C5: variants seen among roughly 807,000 people sequenced by gnomAD.
C5 encodes C3 and PZP-like alpha-2-macroglobulin domain-containing protein 4.
Under a neutral mutation model 218.8 loss-of-function variants are expected in C5, and 140 were observed. The ratio of observed to expected loss-of-function variants is 0.64; its 90% CI spans 0.56 to 0.74. The LOEUF (loss-of-function observed/expected upper bound fraction) is 0.74, where lower values mean the gene tolerates loss of function less well. C5 is among the 30% of genes least tolerant of loss of function. C5 has a pLI of 0.00. For synonymous variants in C5, 614 were observed against 682.3 expected (o/e 0.90, Z 1.56); for missense variants, 1,700 against 1,969.6 (o/e 0.86, Z 2.59).
At chr9:121,050,885 T>G (rs1296641538), upstream of C5, among the ~76,000 whole-genome samples, 1 of 152,154 alleles carries the variant, frequency 6.6e-6, no homozygotes, top group East Asian at 1.9e-4. Flanking sequence ...GAGGATGCTG[T>G]CGTCATTCTC....
intron 9 of C5, among the ~76,000 whole-genome samples, chr9:121,024,868 G>C (rs1324421599): frequency 6.6e-6 from 1 of 152,146 alleles, no homozygotes; most frequent in Non-Finnish European, 1.5e-5. Context: ...ATTAATGTTT[G>C]CAAGCCTGTC....
intron 39 of C5, 108 bp from the exon 40 acceptor site, chr9:120,953,976 AGTGGACAGCCGTGATATCCAT>A: frequency 1.8e-6 from 2 of 1,119,968 alleles, no homozygotes; most frequent in East Asian, 4.7e-5. Context: ...GTTCATGGCT[AGTGGACAGCCGTGATATCCAT>A]GTGGTTAAGG....
At position 120,997,536 on chromosome 9, in the gene C5, G is replaced by A. The variant is rs1564144517; in HGVS notation, c.2790+11C>T. The A allele has an allele frequency of 1.9e-6, 3 of 1,579,820 alleles. No individual in the cohort carries two copies. Among genetic ancestry groups the A allele is most frequent in the Non-Finnish European group, 1.7e-6 (2 of 1,149,500 alleles). Reference sequence around the variant, plus strand: ...ATTTAAGCATAAGTTATTGAAGCATGTTTTTCTTACCACCACTCGTAATGT... The same window carrying A: ...ATTTAAGCATAAGTTATTGAAGCATATTTTTCTTACCACCACTCGTAATGT... On this transcript the variant is annotated intron_variant, in intron 21 of 40. Coordinates refer to ENST00000223642, the MANE Select transcript of C5 (RefSeq NM_001735.3).
chr9:121,049,542 TTC>T (rs1411306340), intron 1 of C5, among the ~76,000 whole-genome samples: 2 of 152,148 alleles, frequency 1.3e-5, no homozygotes, highest in African/African-American at 2.4e-5. Flanking sequence ...AAAATCCTGT[TTC>T]TCTCTCTCTA....
chr9:121,003,177 G>C lies in C5; in HGVS notation c.2562+2742C>G, dbSNP rs1217840162. Among the ~76,000 whole-genome samples the C allele has an allele frequency of 2.6e-5, 4 of 152,102 alleles. 1 individual carries two copies. The highest frequency in any genetic ancestry group is 5.9e-5 in the Non-Finnish European group (4 of 68,034). ...GAGCTGGCACATGCTTGTAATCCCAGCTACTCAGGAGGCTGAGGCAGGAGA... is the reference window on the plus strand; with the variant it reads ...GAGCTGGCACATGCTTGTAATCCCACCTACTCAGGAGGCTGAGGCAGGAGA... On this transcript the variant is annotated intron_variant, in intron 20 of 40. Transcript: ENST00000223642.
At chr9:121,060,043 C>T in the C5 span, among the ~76,000 whole-genome samples, 1 of 152,214 alleles carries the variant, frequency 6.6e-6, no homozygotes, top group African/African-American at 2.4e-5. Flanking sequence ...GAATTTATTA[C>T]ATAGCAATAG....
chr9:121,035,898 G>A (rs2047520053), intron 4 of C5, among the ~76,000 whole-genome samples: 2 of 151,940 alleles, frequency 1.3e-5, no homozygotes, highest in Admixed American at 1.3e-4. Flanking sequence ...AATGTTTAAA[G>A]AGTTAGCAGG....
Position 121,037,922 on chromosome 9 carries a change from C to A in C5, c.451G>T (p.Asp151Tyr). Residue 151 changes from aspartate to tyrosine, a missense_variant, in exon 4 of 41, where the codon GAC (aspartate) becomes TAC (tyrosine). Physicochemically the swap from Asp to Tyr is radical, Grantham distance 160. Coordinates refer to ENST00000223642, the MANE Select transcript of C5 (RefSeq NM_001735.3). ...VKVRVYSLND[D>Y]LKPAKRETVL... ...GTTTCTCTTTTGGCTGGCTTCAAGT[C>A]GTCATTCAACGAATAAACTCTAACT... The A allele has an allele frequency of 6.5e-7, 1 of 1,530,426 alleles. No individual in the cohort carries two copies. The allele number at this position is 1,530,426 out of a possible 1,614,324, so 94.8% of individuals were successfully genotyped here.
upstream of C5, among the ~76,000 whole-genome samples, chr9:121,052,919 A>T (rs150901117): frequency 1.9e-4 from 29 of 152,360 alleles, no homozygotes; most frequent in East Asian, 5.6e-3. Flanking sequence ...AGATTTTATC[A>T]TGTATAATTT....
chr9:121,072,436 C>T, the C5 span, among the ~76,000 whole-genome samples: 1 of 152,100 alleles, frequency 6.6e-6, no homozygotes, highest in Non-Finnish European at 1.5e-5. Flanking sequence ...GGTGTCAAAA[C>T]ATATGCAAAT....
intron 22 of C5, among the ~76,000 whole-genome samples, chr9:120,992,064 C>T (rs2131715330): frequency 6.6e-6 from 1 of 152,320 alleles, no homozygotes; most frequent in South Asian, 2.1e-4. Context: ...AATCCACCTC[C>T]CATTGTCCTG....
Position 121,038,007 on chromosome 9 carries a change from T to C in C5, c.422-56A>G, listed in dbSNP as rs1040267496. The stretch of plus-strand genomic sequence containing the variant: ...CTGCTAAAAACAAGGATATTTTGAT[T>C]TTTTAAAACAACCATCCTTAAAAGA... On this transcript the variant is annotated intron_variant, in intron 3 of 40. Transcript: ENST00000223642. The C allele has an allele frequency of 8.2e-5, 67 of 812,740 alleles. No homozygotes were observed. The African/African-American group carries it at 1.0e-3, about 13-fold the overall frequency. The allele number at this position is 812,740 out of a possible 1,614,324, so 50.3% of individuals were successfully genotyped here.
At chr9:121,066,098 A>C in the C5 span, among the ~76,000 whole-genome samples, 4 of 151,824 alleles carry the variant, frequency 2.6e-5, no homozygotes, top group Non-Finnish European at 4.4e-5. Context: ...GCAGATCATG[A>C]GGTTAGGAGT....
chr9:121,008,958 T>A (rs199573520), intron 17 of C5, among the ~76,000 whole-genome samples: 2 of 102,518 alleles, frequency 2.0e-5, no homozygotes, highest in Non-Finnish European at 2.1e-5. Flanking sequence ...ACAAACAAAC[T>A]ATAAAGGCCT....
chr9:121,048,763 G>GGTTACT (rs10699795), intron 1 of C5, among the ~76,000 whole-genome samples: 146,825 of 152,174 alleles, frequency 0.96, 70,859 homozygotes, highest in East Asian at 1. Context: ...CAGAGGAGCA[G>GGTTACT]GAGCTTGCAG....
chr9:121,018,578 A>AAAGGAAGG (rs56204327), intron 12 of C5, among the ~76,000 whole-genome samples: 1,621 of 80,848 alleles, frequency 0.02, 64 homozygotes, highest in Non-Finnish European at 0.027. Flanking sequence ...CACCAAAAAG[A>AAAGGAAGG]AAGGAAGGAA....
chr9:121,070,402 T>G, the C5 span, among the ~76,000 whole-genome samples: 4 of 132,464 alleles, frequency 3.0e-5, no homozygotes, highest in Non-Finnish European at 6.4e-5. Flanking sequence ...TATATATATA[T>G]ATATATATAT....
chr9:121,023,522 A>G lies in C5; in HGVS notation c.1001-3T>C, dbSNP rs141694108. The G allele has an allele frequency of 5.3e-5, 83 of 1,553,426 alleles. No individual in the cohort carries two copies. Among genetic ancestry groups the G allele is most frequent in the Non-Finnish European group, 6.9e-5 (78 of 1,124,632 alleles). On this transcript the variant is annotated splice_region_variant and splice_polypyrimidine_tract_variant and intron_variant, in intron 9 of 40. Coordinates refer to ENST00000223642, the MANE Select transcript of C5 (RefSeq NM_001735.3). ...TTCTGCCTCTTCAGAAAATCCACCT[A>G]AGGAAATGGCAAGCATCATGTTGAC...
At chr9:121,031,994 CG>C (rs2047479126) in intron 6 of C5, 118 bp downstream of exon 6, 1 of 597,862 alleles carries the variant, frequency 1.7e-6, no homozygotes, top group African/African-American at 1.9e-5. Context: ...ACCCAGGAGG[CG>C]GAGGTTGCAG....
Sources: allele counts gnomAD v4.1 joint callset (sites outside exome capture counted in the v4.1 genomes callset), GRCh38; gene constraint gnomAD v4.1.1; transcripts MANE v1.5; gene names NCBI Gene and HGNC (gene_info 2026-07-23, HGNC 2026-07-21).